RBM25: variants seen among roughly 807,000 people sequenced by gnomAD.
The protein encoded by RBM25 is RNA-binding protein 25.
A neutral mutation model predicts 120.7 loss-of-function variants in RBM25; 19 were observed. The observed-to-expected ratio is 0.16, with a 90% confidence interval of 0.11 to 0.23. RBM25 has a LOEUF of 0.23. RBM25 is among the 10% of genes least tolerant of loss of function. The pLI, the probability that RBM25 is intolerant of heterozygous loss-of-function variation, is 1.00. For synonymous variants in RBM25, 390 were observed against 326.7 expected, an observed-to-expected ratio of 1.19 and a Z score of -2.09; for missense variants, 605 against 1,041.5, an observed-to-expected ratio of 0.58 and a Z score of 5.77.
intron 6 of RBM25, among the ~76,000 whole-genome samples, chr14:73,093,900 T>C (rs1194026461): frequency 6.6e-6 from 1 of 151,518 alleles, no homozygotes; most frequent in Non-Finnish European, 1.5e-5. Flanking sequence ...AACTTGCCAG[T>C]CTGTGGAGTG....
At chr14:73,112,893 G>A (rs1006110559) in intron 17 of RBM25, among the ~76,000 whole-genome samples, 13 of 151,834 alleles carry the variant, frequency 8.6e-5, no homozygotes, top group Admixed American at 1.3e-4. Context: ...AGCTTTGAAC[G>A]CCCAGCCTAG....
Position 73,100,540 on chromosome 14 carries a change from T to C in RBM25, c.867+790T>C, listed in dbSNP as rs926224412. On this transcript the variant is annotated intron_variant, in intron 9 of 18. Coordinates refer to ENST00000261973, the MANE Select transcript of RBM25 (RefSeq NM_021239.3). ...TGTGAATGTTCGCTGGTGTTGAAAA[T>C]GATGCTTTTGAACGGTGCAATGCAA... 15 of 445,266 alleles carry C rather than the reference T, an allele frequency of 3.4e-5. 1 individual carries two copies. Among genetic ancestry groups the C allele is most frequent in the Non-Finnish European group, 5.6e-5 (14 of 248,010 alleles). The allele number at this position is 445,266 out of a possible 1,614,324, so 27.6% of individuals were successfully genotyped here.
chr14:73,100,089 C>G (rs1031556079), intron 9 of RBM25: 3 of 471,818 alleles, frequency 6.4e-6, no homozygotes, highest in African/African-American at 6.0e-5. Flanking sequence ...TAGTGTATTT[C>G]TGGGGGCAGT....
chr14:73,113,506 T>C (rs1387781367), intron 17 of RBM25, among the ~76,000 whole-genome samples: 1 of 151,462 alleles, frequency 6.6e-6, no homozygotes. Context: ...GCCCGGCCAA[T>C]ATGGTAAAAC....
rs72026442 is a variant in RBM25 at position 73,092,578 on chromosome 14, C to CT, written c.544-4324dup. Among the ~76,000 whole-genome samples the CT allele has an allele frequency of 8.6e-3, 1,178 of 136,390 alleles. 7 individuals carry two copies. Among genetic ancestry groups the CT allele is most frequent in the South Asian group, 0.03 (129 of 4,272 alleles). 89.5% of individuals were successfully genotyped at this position (136,390 alleles called of 152,430 possible). On this transcript the variant is annotated intron_variant, in intron 6 of 18. Coordinates refer to ENST00000261973, the MANE Select transcript of RBM25 (RefSeq NM_021239.3). ...AGAATTTTTTTTTAAATTTTCTTGC[C>CT]TTTTTTTTTTTTTAATTAAGTTTTA...
chr14:73,099,472 ACTG>A, intron 8 of RBM25, 39 bp downstream of exon 8: 1 of 1,597,782 alleles, frequency 6.3e-7, no homozygotes, highest in Non-Finnish European at 8.6e-7. Context: ...ACCTGTGTTT[ACTG>A]CTGATTGTTG....
chr14:73,062,260 AAGT>A (rs1432221409), intron 1 of RBM25, among the ~76,000 whole-genome samples: 1 of 151,548 alleles, frequency 6.6e-6, no homozygotes, highest in African/African-American at 2.4e-5. Context: ...TTTGCTGTAA[AAGT>A]AGTTTTTCTG....
intron 6 of RBM25, among the ~76,000 whole-genome samples, chr14:73,093,124 T>C (rs1004393907): frequency 1.3e-5 from 2 of 152,210 alleles, no homozygotes; most frequent in Non-Finnish European, 2.9e-5. Flanking sequence ...GTCATAGTTA[T>C]TAACCATATA....
At chr14:73,083,953 A>G (rs550777841) in intron 5 of RBM25, among the ~76,000 whole-genome samples, 1 of 149,654 alleles carries the variant, frequency 6.7e-6, no homozygotes, top group South Asian at 2.1e-4. Flanking sequence ...GCTGGAGTGC[A>G]GTGGCGTGAT....
At position 73,076,338 on chromosome 14, in the gene RBM25, A is replaced by G. The variant is rs751348397; in HGVS notation, c.126A>G (p.Val42=). ...PVPPGTPMIP[V]PMSIMAPAPT... ...TCTTAGGGACCCCAATGATTCCTGT[A>G]CCAATGAGCATTATGGCTCCTGCTC... Residue 42 remains valine, a synonymous_variant, in exon 3 of 19, where the codon GTA becomes GTG. Coordinates refer to ENST00000261973, the MANE Select transcript of RBM25 (RefSeq NM_021239.3). 5.0e-5 allele frequency: 81 copies of G among 1,612,732 alleles called. No homozygotes were observed. Among genetic ancestry groups the G allele is most frequent in the South Asian group, 2.1e-4 (19 of 91,050 alleles).
chr14:73,090,741 G>A lies in RBM25; in HGVS notation c.543+2580G>A, dbSNP rs115369979. 2.5e-3 allele frequency among the ~76,000 whole-genome samples: 383 copies of A among 152,192 alleles called. 2 individuals are homozygous for A. Among genetic ancestry groups the A allele is most frequent in the African/African-American group, 8.7e-3 (363 of 41,512 alleles). The stretch of plus-strand genomic sequence containing the variant: ...CCCATCTCTGATTACAGATAGAAAG[G>A]GTGATAAGTTTGTGGGCTGTGTCTC... On this transcript the variant is annotated intron_variant, in intron 6 of 18. Coordinates refer to ENST00000261973, the MANE Select transcript of RBM25 (RefSeq NM_021239.3).
chr14:73,103,940 TCTCTCTCTCACACACACACA>T (rs1566597418), intron 10 of RBM25, among the ~76,000 whole-genome samples: 19 of 41,090 alleles, frequency 4.6e-4, no homozygotes, highest in South Asian at 4.3e-3. Flanking sequence ...TCTCTCTCTC[TCTCTCTCTCACACACACACA>T]CACACACACA....
At chr14:73,067,067 ATTT>A (rs375705058) in intron 1 of RBM25, among the ~76,000 whole-genome samples, 6 of 131,180 alleles carry the variant, frequency 4.6e-5, no homozygotes, top group Admixed American at 1.6e-4. Context: ...GATACATATA[ATTT>A]TTTTTTTTTT....
intron 4 of RBM25, among the ~76,000 whole-genome samples, chr14:73,080,614 C>T (rs1408045722): frequency 1.3e-5 from 2 of 152,088 alleles, no homozygotes; most frequent in Non-Finnish European, 1.5e-5. Context: ...TGCCTTTTTA[C>T]TGTTCTTCAT....
At position 73,121,441 on chromosome 14, in the gene RBM25, G is replaced by T. The variant is rs1212954798; in HGVS notation, c.*1636G>T. On this transcript the variant is annotated 3_prime_UTR_variant, in exon 19 of 19. Transcript: ENST00000261973. Reference sequence around the variant, plus strand: ...ATGGACTTGATTTTTATGACTATTGGTATCTAAAGGTCAAGGAAGCCATTT... The same window carrying T: ...ATGGACTTGATTTTTATGACTATTGTTATCTAAAGGTCAAGGAAGCCATTT... 2 of 152,434 alleles carry T rather than the reference G, an allele frequency of 1.3e-5. No homozygotes were observed. The highest frequency in any genetic ancestry group is 2.9e-5 in the Non-Finnish European group (2 of 67,998). The allele number at this position is 152,434 out of a possible 1,614,324, so 9.4% of individuals were successfully genotyped here. A position where few individuals can be genotyped will look rare whatever the true frequency, so the allele number is the denominator to read the frequency against.
rs1896095118 is a variant in RBM25 at position 73,103,441 on chromosome 14, A to G, written c.1117A>G (p.Arg373Gly). 2 of 1,609,864 alleles carry G rather than the reference A, an allele frequency of 1.2e-6. No homozygotes were observed. The highest frequency in any genetic ancestry group is 1.7e-6 in the Non-Finnish European group (2 of 1,178,640). The change falls in exon 10 of 19, where the codon AGG becomes GGG. Residue 373 changes from arginine to glycine, a missense_variant. Arg to Gly is a moderately radical substitution (Grantham distance 125). This residue lies in a region of RBM25 where 465 missense variants were observed against 741.6 expected (regional missense o/e 0.63). Coordinates refer to ENST00000261973, the MANE Select transcript of RBM25 (RefSeq NM_021239.3). ...GAGAGATCGTGACCGGGATAGAGAA[A>G]GGAGCTCAGATCGTAATAAGGATCG... ...RERDRDRDRE[R>G]SSDRNKDRSR... is the part of the protein sequence containing the mutation.
chr14:73,071,806 A>G (rs1277692832), intron 2 of RBM25, 59 bp downstream of exon 2: 2 of 1,351,502 alleles, frequency 1.5e-6, no homozygotes, highest in East Asian at 2.3e-5. Context: ...TTGTGATACT[A>G]ACTTCAGGAA....
intron 14 of RBM25, among the ~76,000 whole-genome samples, 190 bp downstream of exon 14, chr14:73,109,682 A>G (rs1252777204): frequency 8.6e-5 from 13 of 151,642 alleles, no homozygotes. Flanking sequence ...AGTCCCAGCT[A>G]CTCGGGAGGC....
chr14:73,109,555 AG>A, intron 14 of RBM25, 63 bp downstream of exon 14: 1 of 1,506,848 alleles, frequency 6.6e-7, no homozygotes, highest in East Asian at 2.4e-5. Flanking sequence ...GCTCTTTGGG[AG>A]GCCGAGGCGG....
Sources: allele counts gnomAD v4.1 joint callset (sites outside exome capture counted in the v4.1 genomes callset), GRCh38; gene constraint gnomAD v4.1.1; regional missense constraint gnomAD v4.1.1; transcripts MANE v1.5; gene names NCBI Gene and HGNC (gene_info 2026-07-23, HGNC 2026-07-21).